The following ATP10B variants were observed in gnomAD, a reference collection of about 807,000 sequenced individuals.
ATP10B encodes ATPase phospholipid transporting 10B (putative).
In ATP10B, 122 loss-of-function variants were observed where a neutral mutation model predicts 141.2. The ratio of observed to expected loss-of-function variants is 0.86; its 90% confidence interval spans 0.75 to 1.00. ATP10B has a LOEUF of 1.00. Among genes scored for constraint, ATP10B ranks in the 50% least tolerant of loss-of-function variants. The pLI is 0.00. For missense variants in ATP10B, 1,876 were observed against 1,825.3 expected, an observed-to-expected ratio of 1.03 and a Z score of -0.51; for synonymous variants, 685 against 692.0, an observed-to-expected ratio of 0.99 and a Z score of 0.16.
At chr5:160,792,300 T>C (rs1402240020) in intron 1 of ATP10B, among the ~76,000 whole-genome samples, 4 of 152,176 alleles carry the variant, frequency 2.6e-5, no homozygotes, top group Admixed American at 6.6e-5. Context: ...GCGTGACATA[T>C]CAGAGAATGT....
At chr5:160,650,803 A>G (rs1476991804) in intron 7 of ATP10B, among the ~76,000 whole-genome samples, 1 of 152,198 alleles carries the variant, frequency 6.6e-6, no homozygotes, top group Non-Finnish European at 1.5e-5. Flanking sequence ...TGGTCTGGCA[A>G]TAACTTCCAG....
chr5:160,686,924 G>T, intron 5 of ATP10B: 2 of 983,794 alleles, frequency 2.0e-6, no homozygotes, highest in Non-Finnish European at 2.4e-6. Flanking sequence ...AATTTAAAAT[G>T]ATCTCATACA....
chr5:160,718,771 AC>A (rs1765802608), intron 2 of ATP10B, among the ~76,000 whole-genome samples: 1 of 152,180 alleles, frequency 6.6e-6, no homozygotes, highest in African/African-American at 2.4e-5. Context: ...GAGGGATCCG[AC>A]CCCATGGCCC....
chr5:160,810,165 G>T (rs1335596267), intron 1 of ATP10B, among the ~76,000 whole-genome samples: 1 of 151,636 alleles, frequency 6.6e-6, no homozygotes, highest in Non-Finnish European at 1.5e-5. Context: ...TCATTAGTTT[G>T]TTTTTTAAAT....
intron 10 of ATP10B, among the ~76,000 whole-genome samples, chr5:160,638,486 C>T (rs1032644971): frequency 8.5e-5 from 13 of 152,116 alleles, no homozygotes; most frequent in African/African-American, 3.1e-4. Context: ...AGGGTGGGAG[C>T]GGGGACAATG....
chr5:160,916,502 C>A, the ATP10B span, among the ~76,000 whole-genome samples: 2 of 152,198 alleles, frequency 1.3e-5, no homozygotes, highest in African/African-American at 4.8e-5. Flanking sequence ...TAATGCTAAG[C>A]AATGAAATCA....
chr5:160,672,455 A>ACT (rs1195744474), intron 6 of ATP10B, among the ~76,000 whole-genome samples: 1 of 152,236 alleles, frequency 6.6e-6, no homozygotes, highest in Middle Eastern at 3.4e-3. Flanking sequence ...GCCAAATTTA[A>ACT]CTTTCCAGGT....
At chr5:160,873,993 A>C in the ATP10B span, among the ~76,000 whole-genome samples, 1 of 152,240 alleles carries the variant, frequency 6.6e-6, no homozygotes, top group African/African-American at 2.4e-5. Flanking sequence ...TGCTTAGGTA[A>C]ACAAAGCAGC....
chr5:160,643,302 C>A (rs368265988), intron 9 of ATP10B, among the ~76,000 whole-genome samples: 5 of 152,272 alleles, frequency 3.3e-5, no homozygotes, highest in East Asian at 3.9e-4. Context: ...AAGCAATAAG[C>A]AAACTATTCC....
chr5:160,757,304 GC>G (rs994274554), intron 2 of ATP10B, among the ~76,000 whole-genome samples: 1 of 152,112 alleles, frequency 6.6e-6, no homozygotes, highest in African/African-American at 2.4e-5. Flanking sequence ...ACCTTCATTT[GC>G]CATGAAAGTA....
chr5:160,565,854 A>C lies in ATP10B; in HGVS notation c.3985T>G (p.Ser1329Ala). ...LQGTCGKSLI[S>A]KAQKIDKLPP... ...AGTTTGTCAATTTTCTGAGCTTTTG[A>C]GATTAGAGACTTCCCACAAGTTCCT... is the stretch of plus-strand genomic sequence containing the variant. The change falls in exon 26 of 26, where the codon TCA becomes GCA. Residue 1329 changes from serine to alanine, a missense_variant. By Grantham distance (99) the Ser-to-Ala change is moderately conservative. Coordinates refer to ENST00000327245, the MANE Select transcript of ATP10B (RefSeq NM_025153.3). 1 of 1,613,724 alleles carries C rather than the reference A, an allele frequency of 6.2e-7. No homozygotes were observed. Among genetic ancestry groups the C allele is most frequent in the Non-Finnish European group, 8.5e-7 (1 of 1,179,904 alleles).
intron 2 of ATP10B, among the ~76,000 whole-genome samples, chr5:160,736,846 A>G (rs1767152498): frequency 6.6e-6 from 1 of 152,218 alleles, no homozygotes; most frequent in Non-Finnish European, 1.5e-5. Context: ...AAGAAGAACT[A>G]ATACCGATCC....
In ATP10B at chr5:160,589,674, T is replaced by C. The variant is rs1219392162; in HGVS notation, c.3668A>G (p.Asp1223Gly). Residue 1223 changes from aspartate to glycine, a missense_variant, in exon 24 of 26, where the codon GAT becomes GGT. By Grantham distance (94) the Asp-to-Gly change is moderately conservative. Coordinates refer to ENST00000327245, the MANE Select transcript of ATP10B (RefSeq NM_025153.3). ...PYLAYKGSDI[D>G]VFTFGTPINT... The stretch of plus-strand genomic sequence containing the variant: ...GATTGGTGTCCCAAAGGTAAAGACA[T>C]CTATATCAGAGCCCTTATAGGCCTG... 6 of 1,613,820 alleles carry C rather than the reference T, an allele frequency of 3.7e-6. No individual in the cohort carries two copies. In the African/African-American group the frequency reaches 8.0e-5, roughly 22 times the overall value.
In ATP10B at chr5:160,564,587, T is replaced by G. The variant is rs1754427696; in HGVS notation, c.*866A>C. 1 of 152,224 alleles carries G rather than the reference T, an allele frequency of 6.6e-6. No homozygotes were observed. The highest frequency in any genetic ancestry group is 6.5e-5 in the Admixed American group (1 of 15,278). 9.4% of individuals were successfully genotyped at this position (152,224 alleles called of 1,614,324 possible). A position where few individuals can be genotyped will look rare whatever the true frequency, so the allele number is the denominator to read the frequency against. On this transcript the variant is annotated 3_prime_UTR_variant, in exon 26 of 26. Coordinates refer to ENST00000327245, the MANE Select transcript of ATP10B (RefSeq NM_025153.3). ...TGGGTGCAGATGTGCTTATATCTCC[T>G]GATTTACAGGGTTTTTTGCTTTTGT...
At chr5:160,588,137 C>T (rs984186173) in intron 24 of ATP10B, among the ~76,000 whole-genome samples, 15 of 152,284 alleles carry the variant, frequency 9.9e-5, no homozygotes, top group South Asian at 2.1e-4. Context: ...TGTGAGCCGC[C>T]GCACCTGCCC....
At chr5:160,896,115 C>T in the ATP10B span, among the ~76,000 whole-genome samples, 62 of 151,854 alleles carry the variant, frequency 4.1e-4, no homozygotes, top group African/African-American at 1.5e-3. Flanking sequence ...AAATTGACAC[C>T]CTAACATCAT....
Position 160,603,708 on chromosome 5 carries a change from C to T in ATP10B, c.3237+257G>A, listed in dbSNP as rs1757224655. On this transcript the variant is annotated intron_variant, in intron 20 of 25. Transcript: ENST00000327245. ...AAATACAATTGTTAATGGCTCAAAA[C>T]CCACAAAATGTCTGTTTAAATGGGA... The T allele has an allele frequency of 6.3e-6, 3 of 478,164 alleles. No individual in the cohort carries two copies. The South Asian group carries it at 8.8e-5, about 14-fold the overall frequency. 29.6% of individuals were successfully genotyped at this position (478,164 alleles called of 1,614,324 possible).
chr5:160,787,718 G>C (rs542173724), intron 1 of ATP10B, among the ~76,000 whole-genome samples: 1 of 152,096 alleles, frequency 6.6e-6, no homozygotes, highest in Non-Finnish European at 1.5e-5. Flanking sequence ...CTAGGCACTG[G>C]AGGAGGTGTC....
the ATP10B span, among the ~76,000 whole-genome samples, chr5:160,904,252 A>T: frequency 2.0e-5 from 3 of 152,140 alleles, no homozygotes; most frequent in Non-Finnish European, 4.4e-5. Flanking sequence ...TCAGAGTCAG[A>T]CTGCCAGGGT....
Sources: allele counts gnomAD v4.1 joint callset (sites outside exome capture counted in the v4.1 genomes callset), GRCh38; gene constraint gnomAD v4.1.1; transcripts MANE v1.5; gene names NCBI Gene and HGNC (gene_info 2026-07-23, HGNC 2026-07-21).